Variants in CPD observed in about 807,000 individuals in gnomAD.
CPD encodes the protein carboxypeptidase D.
Under a neutral mutation model 138.3 loss-of-function variants are expected in CPD, and 69 were observed. That is an observed-to-expected ratio of 0.50 (90% CI 0.41 to 0.61). The LOEUF (loss-of-function observed/expected upper bound fraction) is 0.61, where lower values mean the gene tolerates loss of function less well. Ranked by LOEUF, CPD falls within the 20% of genes least tolerant of loss-of-function variation. CPD has a pLI of 0.00. For synonymous variants in CPD, 651 were observed against 642.1 expected, an observed-to-expected ratio of 1.01 and a Z score of -0.21; for missense variants, 1,432 against 1,733.3, an observed-to-expected ratio of 0.83 and a Z score of 3.09.
chr17:30,461,060 C>T, intron 17 of CPD, 120 bp from the exon 18 acceptor site: 1 of 678,104 alleles, frequency 1.5e-6, no homozygotes, highest in Non-Finnish European at 2.3e-6. Context: ...TGCTTTACAG[C>T]TTCTTTGTTT....
chr17:30,397,556 GAT>G (rs1204784291), intron 2 of CPD, among the ~76,000 whole-genome samples: 1 of 151,800 alleles, frequency 6.6e-6, no homozygotes, highest in Non-Finnish European at 1.5e-5. Context: ...AACATAGTGA[GAT>G]ATGTCTCTAC....
chr17:30,407,115 CT>C (rs1911821919), intron 2 of CPD, among the ~76,000 whole-genome samples: 1 of 152,086 alleles, frequency 6.6e-6, no homozygotes, highest in Non-Finnish European at 1.5e-5. Context: ...TAGTTTCCAG[CT>C]TCATCTATGT....
chr17:30,458,620 A>G (rs1046968276), intron 17 of CPD, among the ~76,000 whole-genome samples: 10 of 152,112 alleles, frequency 6.6e-5, no homozygotes, highest in Admixed American at 5.9e-4. Context: ...TAATCTGAGC[A>G]CTTTGGGAGG....
At chr17:30,424,191 C>T (rs181163037) in intron 6 of CPD, among the ~76,000 whole-genome samples, 6 of 152,084 alleles carry the variant, frequency 3.9e-5, no homozygotes, top group Non-Finnish European at 7.4e-5. Context: ...AGAAATCGGG[C>T]GAGGGTTGAA....
intron 20 of CPD, 22 bp downstream of exon 20, chr17:30,462,491 G>A: frequency 1.3e-6 from 2 of 1,560,802 alleles, no homozygotes; most frequent in Non-Finnish European, 1.8e-6. Context: ...TTGATTTTTA[G>A]TAGTAAAAGT....
chr17:30,429,116 T>C (rs1912496770), intron 7 of CPD, among the ~76,000 whole-genome samples: 1 of 152,224 alleles, frequency 6.6e-6, no homozygotes, highest in South Asian at 2.1e-4. Flanking sequence ...ACTTCTACAG[T>C]TGGTAATCAT....
rs568380104 is a variant in CPD at position 30,462,428 on chromosome 17, G to A, written c.3875G>A (p.Arg1292Gln). The change falls in exon 20 of 21, where the codon CGG becomes CAG. Residue 1292 changes from arginine (R) to glutamine (Q), a missense_variant. By Grantham distance (43) the Arg-to-Gln change is conservative (BLOSUM62 1). Transcript: ENST00000225719. ...GTGATAGTCTTTGACACAGATAACC[G>A]GATATTTGGTTTGCCAAGGGAGCTT... ...SVVIVFDTDN[R>Q]IFGLPRELVV... 83 of 1,613,840 alleles carry A rather than the reference G, an allele frequency of 5.1e-5. No homozygotes were observed. The highest frequency in any genetic ancestry group is 1.7e-4 in the Middle Eastern group (1 of 6,060).
intron 1 of CPD, among the ~76,000 whole-genome samples, chr17:30,383,415 T>C (rs2143297910): frequency 6.6e-6 from 1 of 152,320 alleles, no homozygotes; most frequent in Admixed American, 6.5e-5. Context: ...CCTGATTATG[T>C]TATATTACTG....
chr17:30,404,728 A>T (rs1911762995), intron 2 of CPD, among the ~76,000 whole-genome samples: 2 of 152,096 alleles, frequency 1.3e-5, no homozygotes, highest in Non-Finnish European at 2.9e-5. Context: ...TTTCTTTTTA[A>T]TGAAAGACAC....
chr17:30,401,387 TTCCTCTTCTTCCTCC>T (rs1291787585), intron 2 of CPD, among the ~76,000 whole-genome samples: 20 of 150,624 alleles, frequency 1.3e-4, no homozygotes, highest in African/African-American at 4.4e-4. Context: ...CTTCCTCCTC[TTCCTCTTCTTCCTCC>T]TCCTCTTCTT....
intron 11 of CPD, 90 bp downstream of exon 11, chr17:30,444,061 T>C (rs1222301160): frequency 1.4e-6 from 2 of 1,386,534 alleles, no homozygotes; most frequent in African/African-American, 2.9e-5. Flanking sequence ...CTAGAGAGCC[T>C]GTTAAGCAAC....
In CPD at chr17:30,455,116, CATT is replaced by C. The variant is rs1292800358; in HGVS notation, c.3206-221_3206-219del. 1.0e-5 allele frequency: 4 copies of C among 383,110 alleles called. No homozygotes were observed. In the East Asian group the frequency reaches 1.7e-4, roughly 17 times the overall value. The allele number at this position is 383,110 out of a possible 1,614,324, so 23.7% of individuals were successfully genotyped here. A position where few individuals can be genotyped will look rare whatever the true frequency, so the allele number is the denominator to read the frequency against. ...GATTTTTCTTTAACTTGCTTAGAGTCATTAGTATATACACATCCTGAAGTACAT... is the reference window on the plus strand; with the variant it reads ...GATTTTTCTTTAACTTGCTTAGAGTCAGTATATACACATCCTGAAGTACAT... On this transcript the variant is annotated intron_variant, in intron 14 of 20. Coordinates refer to ENST00000225719, the MANE Select transcript of CPD (RefSeq NM_001304.5).
rs554324456 is a variant in CPD, at chr17:30,444,552, C to A, written c.2543+581C>A. Among the ~76,000 whole-genome samples, 54 of 116,866 alleles carry A rather than the reference C, an allele frequency of 4.6e-4. No individual in the cohort carries two copies. In the South Asian group the frequency reaches 0.014, roughly 29 times the overall value. 76.7% of individuals were successfully genotyped at this position (116,866 alleles called of 152,430 possible). On this transcript the variant is annotated intron_variant, in intron 11 of 20. Coordinates refer to ENST00000225719, the MANE Select transcript of CPD (RefSeq NM_001304.5). Reference sequence around the variant, plus strand: ...TTTTTTTTTTTTTTTTGAGACAGAGCTTCTCTCTATCGCCCAGGCTGGAGT... The same window carrying A: ...TTTTTTTTTTTTTTTTGAGACAGAGATTCTCTCTATCGCCCAGGCTGGAGT...
intron 2 of CPD, among the ~76,000 whole-genome samples, chr17:30,414,065 G>A (rs143529867): frequency 7.4e-4 from 113 of 152,316 alleles, no homozygotes; most frequent in African/African-American, 2.6e-3. Context: ...ATAAAAGGAG[G>A]TTTAGGAAGG....
intron 1 of CPD, chr17:30,380,689 G>C (rs1462353831): frequency 5.3e-6 from 7 of 1,316,276 alleles, no homozygotes; most frequent in Non-Finnish European, 7.3e-6. Context: ...GTTCCCACTG[G>C]CAAGATGTGT....
chr17:30,409,850 A>G (rs1175916438), intron 2 of CPD, among the ~76,000 whole-genome samples: 2 of 151,834 alleles, frequency 1.3e-5, no homozygotes, highest in Non-Finnish European at 2.9e-5. Flanking sequence ...TTATGTCTCT[A>G]TCTCCTTCAG....
chr17:30,417,510 T>C (rs76813720), intron 2 of CPD, among the ~76,000 whole-genome samples: 1,900 of 152,280 alleles, frequency 0.012, 35 homozygotes, highest in African/African-American at 0.043. Flanking sequence ...TCAATTACTC[T>C]TACAGACCTT....
In CPD at chr17:30,405,827, A is replaced by G. The variant is rs562233115; in HGVS notation, c.995-15014A>G. Among the ~76,000 whole-genome samples, 6 of 152,218 alleles carry G rather than the reference A, an allele frequency of 3.9e-5. No homozygotes were observed. The South Asian group carries it at 6.2e-4, about 16-fold the overall frequency. On this transcript the variant is annotated intron_variant, in intron 2 of 20. Coordinates refer to ENST00000225719, the MANE Select transcript of CPD (RefSeq NM_001304.5). ...GGTACAGTTTAACTTCTAAATCATT[A>G]TGTCCAGTTGCAACAAAAAAATCTA...
chr17:30,409,214 A>T (rs371980717), intron 2 of CPD, among the ~76,000 whole-genome samples: 15 of 152,156 alleles, frequency 9.9e-5, no homozygotes, highest in African/African-American at 3.4e-4. Flanking sequence ...AGCTGACTTG[A>T]TCGTGGTGGA....
Sources: gnomAD v4.1 joint callset for allele counts (sites outside exome capture counted in the v4.1 genomes callset) on GRCh38, gnomAD v4.1.1 for gene constraint, MANE v1.5 for transcripts, NCBI Gene and HGNC (gene_info 2026-07-23, HGNC 2026-07-21) for gene names.